STK39: variants seen among roughly 807,000 people sequenced by gnomAD.
STK39 encodes the protein serine/threonine kinase 39.
STK39 carries 20 observed loss-of-function variants against 77.8 expected under a neutral mutation model. The observed-to-expected ratio is 0.26, with a 90% CI of 0.18 to 0.37. The LOEUF (loss-of-function observed/expected upper bound fraction) is 0.37. STK39 is among the 10% of genes least tolerant of loss of function. STK39 has a pLI of 1.00. For synonymous variants in STK39, 246 were observed against 234.1 expected (o/e 1.05, Z -0.47); for missense variants, 479 against 656.5 (o/e 0.73, Z 2.95).
At chr2:168,160,962 A>T (rs961388612) in intron 5 of STK39, among the ~76,000 whole-genome samples, 16 of 152,194 alleles carry the variant, frequency 1.1e-4, no homozygotes, top group Admixed American at 9.2e-4. Flanking sequence ...GGGGCAGCAG[A>T]TGAATCAAGA....
chr2:168,083,676 T>G (rs1490500037), intron 10 of STK39, among the ~76,000 whole-genome samples: 1 of 151,952 alleles, frequency 6.6e-6, no homozygotes, highest in Non-Finnish European at 1.5e-5. Context: ...ACTTAGCACA[T>G]TCTACTGACT....
chr2:168,106,159 TACTC>T (rs1217649096), intron 10 of STK39, among the ~76,000 whole-genome samples: 1 of 152,226 alleles, frequency 6.6e-6, no homozygotes, highest in Non-Finnish European at 1.5e-5. Flanking sequence ...AAAGTAATGA[TACTC>T]AGTCAGGAGG....
intron 16 of STK39, among the ~76,000 whole-genome samples, chr2:167,982,725 C>A (rs755824156): frequency 6.6e-6 from 1 of 152,220 alleles, no homozygotes; most frequent in African/African-American, 2.4e-5. Context: ...AAATGAAAGA[C>A]CTGGGAGTAC....
intron 16 of STK39, among the ~76,000 whole-genome samples, chr2:168,004,393 T>C (rs910814342): frequency 2.0e-5 from 3 of 152,084 alleles, no homozygotes; most frequent in South Asian, 4.2e-4. Context: ...GTATAGATGA[T>C]GAAATGAGCT....
chr2:167,989,904 C>T (rs72623171), intron 16 of STK39, among the ~76,000 whole-genome samples: 4,944 of 152,028 alleles, frequency 0.033, 325 homozygotes, highest in East Asian at 0.21. Context: ...TACCCATATG[C>T]AAAAGTGAAC....
intron 10 of STK39, among the ~76,000 whole-genome samples, chr2:168,116,097 T>C (rs1687252144): frequency 1.3e-5 from 2 of 152,132 alleles, no homozygotes; most frequent in East Asian, 1.9e-4. Context: ...CCTTCAAGCA[T>C]AGATTTTTAT....
At chr2:168,018,533 GAAAGA>G (rs757728335) in intron 14 of STK39, among the ~76,000 whole-genome samples, 3,254 of 67,624 alleles carry the variant, frequency 0.048, 35 homozygotes, top group African/African-American at 0.1. Context: ...AGAAAGAAAA[GAAAGA>G]AAAGAAAGAA....
At chr2:168,243,070 G>A (rs1690811788) in intron 1 of STK39, among the ~76,000 whole-genome samples, 3 of 152,138 alleles carry the variant, frequency 2.0e-5, no homozygotes, top group Admixed American at 2.0e-4. Context: ...AGAACCCACT[G>A]CAGCAGCAAG....
intron 1 of STK39, among the ~76,000 whole-genome samples, chr2:168,240,192 TCCTGA>T (rs1489297009): frequency 6.6e-6 from 1 of 152,086 alleles, no homozygotes; most frequent in Non-Finnish European, 1.5e-5. Flanking sequence ...GGAGAGTCTG[TCCTGA>T]GACTGGAAAT....
intron 16 of STK39, among the ~76,000 whole-genome samples, chr2:167,973,581 C>G (rs1683176061): frequency 6.6e-6 from 1 of 152,158 alleles, no homozygotes; most frequent in Admixed American, 6.5e-5. Context: ...AAAATTTATG[C>G]ATCAAAAGTA....
intron 14 of STK39, among the ~76,000 whole-genome samples, chr2:168,058,877 TAAAA>T (rs1685591345): frequency 6.6e-6 from 1 of 152,254 alleles, no homozygotes; most frequent in Admixed American, 6.5e-5. Flanking sequence ...GCTCTCTGTT[TAAAA>T]TTTTATTCAG....
At chr2:168,067,451 A>G (rs1574436049) in intron 12 of STK39, among the ~76,000 whole-genome samples, 1 of 152,066 alleles carries the variant, frequency 6.6e-6, no homozygotes. Context: ...TTCTCACTTC[A>G]CCTTCCACCA....
At chr2:167,958,169 A>C (rs1328422385) in intron 17 of STK39, among the ~76,000 whole-genome samples, 4 of 152,238 alleles carry the variant, frequency 2.6e-5, no homozygotes, top group African/African-American at 9.7e-5. Context: ...ATACTCTTCA[A>C]GAATTACTGA....
At chr2:168,233,272 G>A (rs1238291265) in intron 1 of STK39, among the ~76,000 whole-genome samples, 1 of 152,152 alleles carries the variant, frequency 6.6e-6, no homozygotes, top group Non-Finnish European at 1.5e-5. Context: ...CTGGGTTTCA[G>A]ACTTCAGAAA....
At position 168,116,682 on chromosome 2, in the gene STK39, C is replaced by G. The variant is rs577198242; in HGVS notation, c.1089+12859G>C. On this transcript the variant is annotated intron_variant, in intron 10 of 17. Transcript: ENST00000355999. Reference sequence around the variant, plus strand: ...ATTCCCTGTGATTGAATGACCACAACCTAAGAGGCCAGGGCAGAGGGGCAA... The same window carrying G: ...ATTCCCTGTGATTGAATGACCACAAGCTAAGAGGCCAGGGCAGAGGGGCAA... Among the ~76,000 whole-genome samples, 3 of 152,246 alleles carry G rather than the reference C, an allele frequency of 2.0e-5. No individual in the cohort carries two copies. In the East Asian group the frequency reaches 5.8e-4, roughly 29 times the overall value.
intron 1 of STK39, among the ~76,000 whole-genome samples, chr2:168,234,918 C>T (rs1690558133): frequency 6.7e-6 from 1 of 150,210 alleles, no homozygotes; most frequent in African/African-American, 2.5e-5. Flanking sequence ...CTTGGGAGGC[C>T]AAGGCAGGAG....
At chr2:168,055,976 T>G (rs1574426351) in intron 14 of STK39, among the ~76,000 whole-genome samples, 1 of 152,168 alleles carries the variant, frequency 6.6e-6, no homozygotes, top group South Asian at 2.1e-4. Context: ...TTCAATTTTT[T>G]TGATATCATA....
intron 5 of STK39, among the ~76,000 whole-genome samples, chr2:168,152,802 T>A (rs1168474531): frequency 6.6e-6 from 1 of 152,182 alleles, no homozygotes; most frequent in African/African-American, 2.4e-5. Context: ...GCCGGCCATA[T>A]CCGCAGAGAC....
intron 16 of STK39, among the ~76,000 whole-genome samples, chr2:167,996,267 G>C (rs574912379): frequency 2.6e-5 from 4 of 152,290 alleles, no homozygotes; most frequent in Non-Finnish European, 5.9e-5. Context: ...TTTTCTCACA[G>C]TATCCTTCCA....
Sources: allele counts gnomAD v4.1 joint callset (sites outside exome capture counted in the v4.1 genomes callset), GRCh38; gene constraint gnomAD v4.1.1; transcripts MANE v1.5; gene names NCBI Gene and HGNC (gene_info 2026-07-23, HGNC 2026-07-21).